Variants in CASZ1 observed in about 807,000 individuals in gnomAD.
The protein encoded by CASZ1 is castor zinc finger 1.
Under a neutral mutation model 135.2 loss-of-function variants are expected in CASZ1, and 28 were observed. The ratio of observed to expected loss-of-function variants is 0.21; its 90% confidence interval spans 0.15 to 0.28. The LOEUF (loss-of-function observed/expected upper bound fraction) is 0.28, where lower values mean the gene tolerates loss of function less well. Ranked by LOEUF, CASZ1 falls within the 10% of genes least tolerant of loss-of-function variation. CASZ1 has a pLI of 1.00. For synonymous variants in CASZ1, 1,068 were observed against 1,073.4 expected (o/e 0.99, Z 0.10); for missense variants, 2,161 against 2,453.3 (o/e 0.88, Z 2.52).
At chr1:10,677,968 AC>A (rs1638283191) in intron 4 of CASZ1, among the ~76,000 whole-genome samples, 1 of 152,136 alleles carries the variant, frequency 6.6e-6, no homozygotes, top group East Asian at 1.9e-4. Context: ...GGCCTGGCTG[AC>A]CCACCGGAAA....
chr1:10,743,958 C>T (rs1052307822), intron 2 of CASZ1, among the ~76,000 whole-genome samples: 24 of 151,938 alleles, frequency 1.6e-4, no homozygotes, highest in Non-Finnish European at 2.4e-4. Context: ...AAAATCCAGC[C>T]GCCTCAGGGG....
chr1:10,745,694 G>A lies in CASZ1; in HGVS notation c.-77+15007C>T, dbSNP rs538225762. Among the ~76,000 whole-genome samples, 21 of 152,256 alleles carry A rather than the reference G, an allele frequency of 1.4e-4. 2 individuals carry two copies. The South Asian group carries it at 4.4e-3, about 32-fold the overall frequency. ...GGATTTTGGAAGATCAGACGACCTG[G>A]GTTTGAATCCCAATGCTCTGTCCCC... On this transcript the variant is annotated intron_variant, in intron 2 of 20. Transcript: ENST00000377022.
intron 5 of CASZ1, among the ~76,000 whole-genome samples, chr1:10,664,016 C>T (rs1017672145): frequency 2.6e-5 from 4 of 152,234 alleles, no homozygotes; most frequent in African/African-American, 4.8e-5. Context: ...TGTCTGGCAA[C>T]GGCAAGGGCT....
intron 2 of CASZ1, among the ~76,000 whole-genome samples, chr1:10,753,985 A>G (rs968622386): frequency 1.3e-4 from 20 of 151,896 alleles, no homozygotes; most frequent in African/African-American, 4.4e-4. Context: ...TCGACTTCAG[A>G]TGGCATCTGC....
chr1:10,669,071 C>T (rs759916655), intron 4 of CASZ1, among the ~76,000 whole-genome samples: 2 of 152,244 alleles, frequency 1.3e-5, no homozygotes, highest in African/African-American at 4.8e-5. Context: ...GCTGAGGAGA[C>T]CCTGCACAGG....
chr1:10,748,698 C>A (rs952884736), intron 2 of CASZ1, among the ~76,000 whole-genome samples: 1 of 152,136 alleles, frequency 6.6e-6, no homozygotes, highest in Non-Finnish European at 1.5e-5. Context: ...ACTGCTTGCT[C>A]CTCGTCTGGG....
chr1:10,725,382 T>C lies in CASZ1; in HGVS notation c.-76-19838A>G. 7.0e-6 allele frequency among the ~76,000 whole-genome samples: 1 copy of C among 143,228 alleles called. No homozygotes were observed. The highest frequency in any genetic ancestry group is 1.5e-5 in the Non-Finnish European group (1 of 64,846). The allele number at this position is 143,228 out of a possible 152,430, so 94.0% of individuals were successfully genotyped here. On this transcript the variant is annotated intron_variant, in intron 2 of 20. Transcript: ENST00000377022. The surrounding 1 kb of genome is among the most constrained non-coding windows in gnomAD (Gnocchi z 4.4). ...TCTCCGGCAGGCTCCTCTCAAGTACTGAGCCATATGGTTCCAGTTAAGCTC... is the reference window on the plus strand; with the variant it reads ...TCTCCGGCAGGCTCCTCTCAAGTACCGAGCCATATGGTTCCAGTTAAGCTC...
rs1041110879 is a variant in CASZ1 at position 10,794,887 on chromosome 1, C to T, written c.-234+1677G>A. 6.6e-6 allele frequency among the ~76,000 whole-genome samples: 1 copy of T among 151,112 alleles called. No homozygotes were observed. The highest frequency in any genetic ancestry group is 2.4e-5 in the African/African-American group (1 of 41,328). On this transcript the variant is annotated intron_variant, in intron 1 of 20. Transcript: ENST00000377022. This position sits in a 1 kb window ranked among gnomAD's most constrained non-coding sequence, Gnocchi z 5.6. ...GCTCCGCAGCGGCCCAGCAACCGCC[C>T]GCCCGCCCGCGCCCGGCCAGCCCCC...
intron 4 of CASZ1, among the ~76,000 whole-genome samples, chr1:10,686,778 G>A (rs1045851571): frequency 1.3e-5 from 2 of 152,244 alleles, no homozygotes; most frequent in Non-Finnish European, 2.9e-5. Context: ...ACTCAGCCAA[G>A]GAACCTCTGG....
intron 9 of CASZ1, 21 bp downstream of exon 9, chr1:10,655,628 G>A: frequency 6.2e-7 from 1 of 1,600,882 alleles, no homozygotes; most frequent in Non-Finnish European, 8.5e-7. Context: ...GCTGCCCAGT[G>A]GGCCCGGGTG....
At position 10,644,980 on chromosome 1, in the gene CASZ1, C is replaced by T. The variant is rs1436900714; in HGVS notation, c.3805G>A (p.Ala1269Thr). The change falls in exon 18 of 21, where the codon GCG becomes ACG. Residue 1269 changes from alanine (A) to threonine (T), a missense_variant. Transcript: ENST00000377022. ...LPWHIKKHEK[A>T]ERRAANGFKY... is the part of the protein sequence containing the mutation. ...AAGCCATTGGCTGCCCGCCGCTCCG[C>T]CTTCTCATGCTTCTTGATGTGCCAG... The T allele has an allele frequency of 1.2e-6, 2 of 1,614,026 alleles. No homozygotes were observed. The highest frequency in any genetic ancestry group is 1.3e-5 in the African/African-American group (1 of 75,068).
intron 2 of CASZ1, among the ~76,000 whole-genome samples, chr1:10,745,196 C>CCTT (rs1640016602): frequency 6.6e-6 from 1 of 152,106 alleles, no homozygotes; most frequent in Non-Finnish European, 1.5e-5. Flanking sequence ...TTTTCTTTGT[C>CCTT]CTTTTATTTT....
intron 1 of CASZ1, among the ~76,000 whole-genome samples, chr1:10,769,327 C>A (rs1424430217): frequency 6.6e-6 from 1 of 152,196 alleles, no homozygotes; most frequent in Non-Finnish European, 1.5e-5. Context: ...CTACTGAGCA[C>A]TAGACGTGGA....
rs1378531124 is a variant in CASZ1, at chr1:10,701,594, A to G, written c.-24+3898T>C. On this transcript the variant is annotated intron_variant, in intron 3 of 20. Transcript: ENST00000377022. This position sits in a 1 kb window ranked among gnomAD's most constrained non-coding sequence, Gnocchi z 6.3. The stretch of plus-strand genomic sequence containing the variant: ...AGGGCTGGAGGGAGAACAGTGCGGG[A>G]GAGAGGAAGTACCACCAGGGCTAAG... 6.6e-6 allele frequency among the ~76,000 whole-genome samples: 1 copy of G among 152,172 alleles called. No homozygotes were observed. Among genetic ancestry groups the G allele is most frequent in the Non-Finnish European group, 1.5e-5 (1 of 68,032 alleles).
chr1:10,740,759 G>A (rs969828531), intron 2 of CASZ1, among the ~76,000 whole-genome samples: 2 of 152,030 alleles, frequency 1.3e-5, no homozygotes, highest in Non-Finnish European at 2.9e-5. Context: ...GACCAGCCTG[G>A]GCAATACAGT....
At chr1:10,751,611 G>A (rs1640151704) in intron 2 of CASZ1, among the ~76,000 whole-genome samples, 1 of 152,338 alleles carries the variant, frequency 6.6e-6, no homozygotes, top group South Asian at 2.1e-4. Flanking sequence ...ACACGGGCAG[G>A]AGCTGGCTCG....
intron 1 of CASZ1, among the ~76,000 whole-genome samples, chr1:10,761,063 C>A (rs1640363377): frequency 6.6e-6 from 1 of 152,264 alleles, no homozygotes; most frequent in South Asian, 2.1e-4. Flanking sequence ...AACCAACGCA[C>A]CCTTCGCACA....
rs1029620096 is a variant in CASZ1, at chr1:10,725,165, G to A, written c.-76-19621C>T. ...TGGCCAGGGAGCCCTGGATGGATAC[G>A]GCGAGAACGTGTTAAGACCAAGGAG... On this transcript the variant is annotated intron_variant, in intron 2 of 20. Coordinates refer to ENST00000377022, the MANE Select transcript of CASZ1 (RefSeq NM_001079843.3). The surrounding 1 kb of genome is among the most constrained non-coding windows in gnomAD (Gnocchi z 4.4). 1.3e-5 allele frequency among the ~76,000 whole-genome samples: 2 copies of A among 152,154 alleles called. 1 individual carries two copies. Among genetic ancestry groups the A allele is most frequent in the East Asian group, 3.9e-4 (2 of 5,176 alleles).
chr1:10,665,991 G>C (rs1342806961), intron 4 of CASZ1, among the ~76,000 whole-genome samples: 1 of 152,166 alleles, frequency 6.6e-6, no homozygotes, highest in Non-Finnish European at 1.5e-5. Context: ...CGGTCAGGCT[G>C]TCAAGGGACA....
Sources: gnomAD v4.1 joint callset for allele counts (sites outside exome capture counted in the v4.1 genomes callset) on GRCh38, gnomAD v4.1.1 for gene constraint, Gnocchi (gnomAD v3.1) non-coding constraint, MANE v1.5 for transcripts, NCBI Gene and HGNC (gene_info 2026-07-23, HGNC 2026-07-21) for gene names.